Variants in ZFX observed in about 807,000 individuals in gnomAD.
The protein encoded by ZFX is zinc finger X-chromosomal protein.
For missense variants in ZFX, 362 were observed against 628.3 expected, an observed-to-expected ratio of 0.58 and a Z score of 4.53; for synonymous variants, 196 against 226.8, an observed-to-expected ratio of 0.86 and a Z score of 1.22.
intron 6 of ZFX, 25 bp downstream of exon 6, chrX:24,207,500 T>A (rs761149923): frequency 8.4e-7 from 1 of 1,194,055 alleles, no homozygotes; most frequent in East Asian, 3.0e-5. Flanking sequence ...TTAGACATTA[T>A]ACATCCTCAT....
intron 5 of ZFX, among the ~76,000 whole-genome samples, chrX:24,195,510 G>A (rs919743300): frequency 9.0e-6 from 1 of 111,421 alleles, no homozygotes; most frequent in African/African-American, 3.3e-5. Flanking sequence ...CCACCACCAC[G>A]CCTGGCTAAC....
rs66467960 is a variant in ZFX at position 24,163,364 on chromosome X, G to GTTTTT, written c.-28-9324_-28-9320dup. On this transcript the variant is annotated intron_variant, in intron 3 of 9. Transcript: ENST00000304543. ...AATTTGGTTAAATTATTTTTGTTAG[G>GTTTTT]TTTTTTTTTTTTTTTTTTTTTTTTT... Among the ~76,000 whole-genome samples, 85 of 19,061 alleles carry GTTTTT rather than the reference G, an allele frequency of 4.5e-3. 27 individuals are homozygous for GTTTTT. The highest frequency in any genetic ancestry group is 6.1e-3 in the Non-Finnish European group (75 of 12,225). The allele number at this position is 19,061 out of a possible 115,157, so 16.6% of individuals were successfully genotyped here.
chrX:24,174,095 C>T (rs1934903787), intron 4 of ZFX, among the ~76,000 whole-genome samples: 1 of 110,099 alleles, frequency 9.1e-6, no homozygotes, highest in South Asian at 3.9e-4. Flanking sequence ...CACTTGTAAT[C>T]CCAGCTACTC....
chrX:24,153,748 CTG>C (rs1307522429), intron 3 of ZFX, among the ~76,000 whole-genome samples: 1 of 111,175 alleles, frequency 9.0e-6, no homozygotes, highest in Non-Finnish European at 1.9e-5. Flanking sequence ...TCCTTCTACA[CTG>C]TGAATATAGA....
chrX:24,167,991 T>G (rs772596927), intron 3 of ZFX, among the ~76,000 whole-genome samples: 1 of 111,415 alleles, frequency 9.0e-6, no homozygotes, highest in East Asian at 2.8e-4. Context: ...GAGATGAATT[T>G]AATTTAAGGG....
In ZFX at chrX:24,179,545, G is replaced by A; in HGVS notation, c.421G>A (p.Val141Met). The A allele has an allele frequency of 8.2e-7, 1 of 1,212,216 alleles. No homozygotes were observed. Among genetic ancestry groups the A allele is most frequent in the Middle Eastern group, 2.3e-4 (1 of 4,355 alleles). Residue 141 changes from valine to methionine, a missense_variant, in exon 5 of 10, where the codon GTG (valine) becomes ATG (methionine). Coordinates refer to ENST00000304543, the MANE Select transcript of ZFX (RefSeq NM_003410.4). ...EHVLTGDSIH[V>M]SDVGHVGHVG... Reference sequence around the variant, plus strand: ...CGTCTTGACGGGTGATTCTATACATGTGTCTGACGTTGGACATGTTGGACA... The same window carrying A: ...CGTCTTGACGGGTGATTCTATACATATGTCTGACGTTGGACATGTTGGACA...
At chrX:24,180,407 A>G (rs1601882365) in intron 5 of ZFX, among the ~76,000 whole-genome samples, 1 of 101,848 alleles carries the variant, frequency 9.8e-6, no homozygotes, top group Non-Finnish European at 2.0e-5. Flanking sequence ...TCGGAGGGAG[A>G]GTCTTGCTCT....
chrX:24,156,119 A>C (rs112585765), intron 3 of ZFX, among the ~76,000 whole-genome samples: 51 of 111,294 alleles, frequency 4.6e-4, no homozygotes, highest in Admixed American at 2.0e-3. Context: ...CTTGTCTCGA[A>C]CTCCTGACCT....
At chrX:24,178,829 C>A (rs1303646065) in intron 4 of ZFX, among the ~76,000 whole-genome samples, 4 of 111,815 alleles carry the variant, frequency 3.6e-5, no homozygotes, top group Admixed American at 1.9e-4. Context: ...ATCTGCCCAC[C>A]TTGGCTTCCC....
At chrX:24,206,821 G>A (rs1325996477) in intron 5 of ZFX, among the ~76,000 whole-genome samples, 1 of 110,823 alleles carries the variant, frequency 9.0e-6, no homozygotes, top group Non-Finnish European at 1.9e-5. Context: ...TCTATGTATA[G>A]TATTTTTTGC....
intron 3 of ZFX, among the ~76,000 whole-genome samples, chrX:24,171,943 G>GGCAGA: frequency 1.1e-5 from 1 of 92,797 alleles, no homozygotes; most frequent in Non-Finnish European, 2.2e-5. Context: ...AGAGAGAGAG[G>GGCAGA]CAGACAGACA....
At chrX:24,156,759 A>G (rs184277156) in intron 3 of ZFX, among the ~76,000 whole-genome samples, 137 of 104,275 alleles carry the variant, frequency 1.3e-3, no homozygotes, top group Non-Finnish European at 1.8e-3. Context: ...GGCTCACGCC[A>G]TTCTCCTGCC....
intron 5 of ZFX, among the ~76,000 whole-genome samples, chrX:24,204,484 T>A (rs1937507179): frequency 8.9e-6 from 1 of 111,969 alleles, no homozygotes; most frequent in Admixed American, 9.5e-5. Context: ...CTGGTGTAAA[T>A]TACACAAGGG....
chrX:24,149,510 C>A, upstream of ZFX: 2 of 113,508 alleles, frequency 1.8e-5, no homozygotes, highest in South Asian at 6.5e-4. Flanking sequence ...GCTCCCCGGT[C>A]GCGGGGCGGG....
rs144739595 is a variant in ZFX at position 24,214,893 on chromosome X, A to G, written c.*3517A>G. ...GCCCTCGAGTTACCCCACTGCGCCCAGTTTAGAGGACTAGTAGATGCTAAC... is the reference window on the plus strand; with the variant it reads ...GCCCTCGAGTTACCCCACTGCGCCCGGTTTAGAGGACTAGTAGATGCTAAC... On this transcript the variant is annotated 3_prime_UTR_variant, in exon 10 of 10. Coordinates refer to ENST00000304543, the MANE Select transcript of ZFX (RefSeq NM_003410.4). The G allele has an allele frequency of 1.8e-5, 2 of 111,363 alleles. No homozygotes were observed. The highest frequency in any genetic ancestry group is 5.6e-4 in the East Asian group (2 of 3,570). The allele number at this position is 111,363 out of a possible 1,213,427, so 9.2% of individuals were successfully genotyped here. A position where few individuals can be genotyped will look rare whatever the true frequency, so the allele number is the denominator to read the frequency against.
In ZFX at chrX:24,214,849, C is replaced by T. The variant is rs913349504; in HGVS notation, c.*3473C>T. On this transcript the variant is annotated 3_prime_UTR_variant, in exon 10 of 10. Coordinates refer to ENST00000304543, the MANE Select transcript of ZFX (RefSeq NM_003410.4). ...ATTTAATCAGTGGGGACTGTTACCA[C>T]CTCCACAACAGAAATCATGCCCTCG... The T allele has an allele frequency of 8.9e-6, 1 of 111,753 alleles. No individual in the cohort carries two copies. Among genetic ancestry groups the T allele is most frequent in the African/African-American group, 3.3e-5 (1 of 30,705 alleles). The allele number at this position is 111,753 out of a possible 1,213,427, so 9.2% of individuals were successfully genotyped here.
In ZFX at chrX:24,213,326, A is replaced by G. The variant is rs755388966; in HGVS notation, c.*1950A>G. 4 of 112,060 alleles carry G rather than the reference A, an allele frequency of 3.6e-5. No individual in the cohort carries two copies. Among genetic ancestry groups the G allele is most frequent in the Non-Finnish European group, 7.5e-5 (4 of 53,158 alleles). The allele number at this position is 112,060 out of a possible 1,213,427, so 9.2% of individuals were successfully genotyped here. A position where few individuals can be genotyped will look rare whatever the true frequency, so the allele number is the denominator to read the frequency against. On this transcript the variant is annotated 3_prime_UTR_variant, in exon 10 of 10. Transcript: ENST00000304543. The stretch of plus-strand genomic sequence containing the variant: ...GTTTTTGGGGTCCCTTCAGTTGGCT[A>G]TTGGTCCGTATGCATCTAGCACATT...
chrX:24,205,593 G>A (rs1003504777), intron 5 of ZFX, among the ~76,000 whole-genome samples: 3 of 112,268 alleles, frequency 2.7e-5, no homozygotes, highest in African/African-American at 9.7e-5. Flanking sequence ...GGTGGCTCAC[G>A]CCTATAATCC....
intron 1 of ZFX, 91 bp downstream of exon 1, chrX:24,149,885 C>T (rs1294538633): frequency 1.8e-5 from 2 of 108,879 alleles, no homozygotes; most frequent in African/African-American, 3.3e-5. Flanking sequence ...GGCGCCCTCC[C>T]GCGCTAGGCC....
Sources: gnomAD v4.1 joint callset for allele counts (sites outside exome capture counted in the v4.1 genomes callset) on GRCh38, gnomAD v4.1.1 for gene constraint, MANE v1.5 for transcripts, NCBI Gene and HGNC (gene_info 2026-07-23, HGNC 2026-07-21) for gene names.